LEPROTL1: variants seen among roughly 807,000 people sequenced by gnomAD.
LEPROTL1 encodes the protein leptin receptor overlapping transcript-like 1.
In LEPROTL1, 6 loss-of-function variants were observed where a neutral mutation model predicts 15.4. The ratio of observed to expected loss-of-function variants is 0.39; its 90% confidence interval spans 0.21 to 0.77. The LOEUF (loss-of-function observed/expected upper bound fraction) is 0.77, where lower values mean the gene tolerates loss of function less well. Among genes scored for constraint, LEPROTL1 ranks in the 30% least tolerant of loss-of-function variants. LEPROTL1 has a pLI of 0.41. For missense variants in LEPROTL1, 128 were observed against 158.1 expected (o/e 0.81, Z 1.02); for synonymous variants, 56 against 52.6 (o/e 1.06, Z -0.28).
exon 5 of LEPROTL1, chr8:30,137,311 G>A (rs1366347763): frequency 6.4e-7 from 1 of 1,551,746 alleles, no homozygotes; most frequent in Admixed American, 2.0e-5. Flanking sequence ...GGGAACAGCT[G>A]AGTCTGAAGG....
intron 3 of LEPROTL1, among the ~76,000 whole-genome samples, chr8:30,121,120 C>G (rs879881228): frequency 1.3e-5 from 2 of 152,142 alleles, no homozygotes; most frequent in African/African-American, 2.4e-5. Context: ...GATTCCCATC[C>G]CCTTTTATCT....
Position 30,104,311 on chromosome 8 carries a change from C to A in LEPROTL1, c.104C>A (p.Pro35His). ...TTTTCTTTTTCTAGCAAATACTGGC[C>A]CCTCTTTGTTCTATTTTTTTACATC... ...CALPIYNKYW[P>H]LFVLFFYILS... The change falls in exon 3 of 4, where the codon CCC becomes CAC. Residue 35 changes from proline to histidine, a missense_variant. Pro to His is a moderately conservative substitution (Grantham distance 77, BLOSUM62 -2). Transcript: ENST00000321250. 2 of 1,496,726 alleles carry A rather than the reference C, an allele frequency of 1.3e-6. No individual in the cohort carries two copies. Among genetic ancestry groups the A allele is most frequent in the Non-Finnish European group, 9.0e-7 (1 of 1,116,346 alleles). 92.7% of individuals were successfully genotyped at this position (1,496,726 alleles called of 1,614,324 possible).
At chr8:30,113,107 C>CA (rs578198019), downstream of LEPROTL1, among the ~76,000 whole-genome samples, 3,530 of 95,344 alleles carry the variant, frequency 0.037, 77 homozygotes, top group Admixed American at 0.1. Flanking sequence ...CCCGTCTCTC[C>CA]AAAAAAAAAA....
Position 30,107,687 on chromosome 8 carries a change from A to G in LEPROTL1, c.*1825A>G. On this transcript the variant is annotated 3_prime_UTR_variant, in exon 4 of 4. Transcript: ENST00000321250. Reference sequence around the variant, plus strand: ...TGTTCAGATTTCAAGAGGAAGGTGCAGGTACACATGAGTTAGAGAGCTGGT... The same window carrying G: ...TGTTCAGATTTCAAGAGGAAGGTGCGGGTACACATGAGTTAGAGAGCTGGT... 1.0e-6 allele frequency: 1 copy of G among 985,538 alleles called. No individual in the cohort carries two copies. The highest frequency in any genetic ancestry group is 4.7e-5 in the South Asian group (1 of 21,282). The allele number at this position is 985,538 out of a possible 1,614,324, so 61.0% of individuals were successfully genotyped here. A position where few individuals can be genotyped will look rare whatever the true frequency, so the allele number is the denominator to read the frequency against.
chr8:30,103,618 G>A (rs2117483402), intron 2 of LEPROTL1, among the ~76,000 whole-genome samples: 1 of 151,820 alleles, frequency 6.6e-6, no homozygotes, highest in South Asian at 2.1e-4. Flanking sequence ...GTGCACGCCT[G>A]TAATCCCAGC....
At chr8:30,105,350 A>G (rs1212257695) in intron 3 of LEPROTL1, among the ~76,000 whole-genome samples, 1 of 152,160 alleles carries the variant, frequency 6.6e-6, no homozygotes. Flanking sequence ...TTTTATATTA[A>G]GGAAGAGTAA....
intron 3 of LEPROTL1, among the ~76,000 whole-genome samples, chr8:30,105,368 C>T (rs1033565783): frequency 8.5e-5 from 13 of 152,052 alleles, no homozygotes; most frequent in African/African-American, 3.1e-4. Context: ...TAAGCACATT[C>T]CTTTATAAAC....
At chr8:30,111,532 G>C (rs778806791), downstream of LEPROTL1, among the ~76,000 whole-genome samples, 2 of 152,206 alleles carry the variant, frequency 1.3e-5, no homozygotes, top group African/African-American at 2.4e-5. Context: ...TCCGCATTTG[G>C]TTTCAGCTTT....
At chr8:30,105,476 G>A (rs1046779313) in intron 3 of LEPROTL1, among the ~76,000 whole-genome samples, 2 of 150,196 alleles carry the variant, frequency 1.3e-5, no homozygotes, top group African/African-American at 4.9e-5. Context: ...GGAACCAAAG[G>A]TAAATGAAAA....
intron 1 of LEPROTL1, among the ~76,000 whole-genome samples, chr8:30,096,603 A>G (rs575692223): frequency 6.6e-6 from 1 of 152,294 alleles, no homozygotes; most frequent in East Asian, 1.9e-4. Flanking sequence ...CTCCTTTTGA[A>G]CTATGATAGA....
At chr8:30,117,052 GA>G (rs1446242528) in intron 3 of LEPROTL1, among the ~76,000 whole-genome samples, 1 of 151,956 alleles carries the variant, frequency 6.6e-6, no homozygotes, top group Non-Finnish European at 1.5e-5. Context: ...GTGAGTAGAG[GA>G]AAAAAATGTT....
intron 3 of LEPROTL1, chr8:30,132,325 C>A: frequency 6.4e-7 from 1 of 1,551,786 alleles, no homozygotes; most frequent in Non-Finnish European, 8.7e-7. Context: ...TCGAGCTGTG[C>A]TTTGGTTCCA....
At chr8:30,125,420 T>A (rs1253395967) in intron 3 of LEPROTL1, among the ~76,000 whole-genome samples, 1 of 152,198 alleles carries the variant, frequency 6.6e-6, no homozygotes, top group Non-Finnish European at 1.5e-5. Flanking sequence ...TTGTTCTTTT[T>A]ATACAATAGA....
chr8:30,097,301 CCT>C (rs1417989460), intron 1 of LEPROTL1, among the ~76,000 whole-genome samples: 2 of 150,030 alleles, frequency 1.3e-5, no homozygotes, highest in Admixed American at 6.8e-5. Flanking sequence ...ATTTATTTAA[CCT>C]CTAATTGGCT....
chr8:30,121,439 A>G (rs1207709487), intron 3 of LEPROTL1, among the ~76,000 whole-genome samples: 1 of 151,980 alleles, frequency 6.6e-6, no homozygotes. Flanking sequence ...TTTTCAGTCG[A>G]GATGGGTTTT....
At chr8:30,132,396 G>T in exon 4 of LEPROTL1, 1 of 1,551,736 alleles carries the variant, frequency 6.4e-7, no homozygotes, top group Non-Finnish European at 8.7e-7. Flanking sequence ...CTGCATCGGG[G>T]ACATATCCCT....
intron 4 of LEPROTL1, among the ~76,000 whole-genome samples, chr8:30,134,832 G>A (rs1007090974): frequency 2.0e-5 from 3 of 152,034 alleles, no homozygotes; most frequent in Non-Finnish European, 4.4e-5. Context: ...ACAGGTGTGA[G>A]CCACTGCTCC....
chr8:30,121,362 C>G (rs952668210), intron 3 of LEPROTL1, among the ~76,000 whole-genome samples: 2 of 152,118 alleles, frequency 1.3e-5, no homozygotes, highest in African/African-American at 4.8e-5. Flanking sequence ...AAGTGATTCT[C>G]CTGCCTCAGC....
Position 30,108,046 on chromosome 8 carries a change from A to G in LEPROTL1, c.*2184A>G. The stretch of plus-strand genomic sequence containing the variant: ...GAAAGAAAACTTTTGATGATGAAAC[A>G]ATAAAGATTTTAAATATCTATTTTA... On this transcript the variant is annotated 3_prime_UTR_variant, in exon 4 of 4. Coordinates refer to ENST00000321250, the MANE Select transcript of LEPROTL1 (RefSeq NM_015344.3). 1 of 891,692 alleles carries G rather than the reference A, an allele frequency of 1.1e-6. No homozygotes were observed. Among genetic ancestry groups the G allele is most frequent in the Non-Finnish European group, 1.3e-6 (1 of 744,702 alleles). The allele number at this position is 891,692 out of a possible 1,614,324, so 55.2% of individuals were successfully genotyped here. A position where few individuals can be genotyped will look rare whatever the true frequency, so the allele number is the denominator to read the frequency against.
Sources: gnomAD v4.1 joint callset for allele counts (sites outside exome capture counted in the v4.1 genomes callset) on GRCh38, gnomAD v4.1.1 for gene constraint, MANE v1.5 for transcripts, NCBI Gene and HGNC (gene_info 2026-07-23, HGNC 2026-07-21) for gene names.